CSMD1: variants seen among roughly 807,000 people sequenced by gnomAD.
CSMD1 encodes CUB and Sushi multiple domains 1.
A neutral mutation model predicts 417.5 loss-of-function variants in CSMD1; 213 were observed. That is an observed-to-expected ratio of 0.51 (90% CI 0.46 to 0.57). The LOEUF is 0.57. CSMD1 is among the 20% of genes least tolerant of loss of function. The pLI is 0.00. For synonymous variants in CSMD1, 2,862 were observed against 1,736.8 expected (o/e 1.65, Z -16.11); for missense variants, 6,923 against 4,529.7 (o/e 1.53, Z -15.17).
At chr8:3,019,125 C>T (rs970463917) in intron 51 of CSMD1, among the ~76,000 whole-genome samples, 5 of 152,144 alleles carry the variant, frequency 3.3e-5, no homozygotes, top group Non-Finnish European at 7.3e-5. Context: ...GCCATGTTGG[C>T]CAGACTGATC....
At chr8:3,313,345 G>C (rs183522982) in intron 23 of CSMD1, among the ~76,000 whole-genome samples, 1 of 152,014 alleles carries the variant, frequency 6.6e-6, no homozygotes, top group Non-Finnish European at 1.5e-5. Flanking sequence ...ATACAGAAAG[G>C]GAGAAAATTT....
At chr8:3,080,671 TC>T (rs1814023968) in intron 49 of CSMD1, among the ~76,000 whole-genome samples, 1 of 152,094 alleles carries the variant, frequency 6.6e-6, no homozygotes, top group Admixed American at 6.6e-5. Context: ...GCCTCCCAAA[TC>T]CCCTTCAAGA....
intron 65 of CSMD1, among the ~76,000 whole-genome samples, chr8:2,952,674 A>T (rs1399183681): frequency 1.4e-5 from 2 of 145,758 alleles, no homozygotes; most frequent in Non-Finnish European, 3.0e-5. Context: ...AATAGCCTTT[A>T]AAGTACATAA....
chr8:4,036,043 C>A (rs907369698), intron 3 of CSMD1, among the ~76,000 whole-genome samples: 1 of 152,080 alleles, frequency 6.6e-6, no homozygotes. Flanking sequence ...CATATACTGA[C>A]CATTATGTTA....
chr8:3,654,904 C>T (rs1798028086), intron 7 of CSMD1, among the ~76,000 whole-genome samples: 2 of 152,198 alleles, frequency 1.3e-5, no homozygotes, highest in Non-Finnish European at 2.9e-5. Flanking sequence ...AGCTGGGCTC[C>T]ACACAGTTGA....
At chr8:3,704,532 A>G (rs1801057143) in intron 7 of CSMD1, among the ~76,000 whole-genome samples, 2 of 152,224 alleles carry the variant, frequency 1.3e-5, no homozygotes, top group South Asian at 2.1e-4. Context: ...TCAAACAGCT[A>G]GAGAGATAAG....
At chr8:3,667,912 T>C (rs1043220301) in intron 7 of CSMD1, among the ~76,000 whole-genome samples, 13 of 152,252 alleles carry the variant, frequency 8.5e-5, no homozygotes, top group Admixed American at 5.9e-4. Flanking sequence ...ACTCTGTATG[T>C]TGCGGAGACA....
At chr8:3,779,900 T>C (rs1192977245) in intron 5 of CSMD1, among the ~76,000 whole-genome samples, 2 of 152,232 alleles carry the variant, frequency 1.3e-5, no homozygotes, top group African/African-American at 2.4e-5. Context: ...TTTTCTCTCA[T>C]GGCCTGTCTC....
chr8:3,402,552 G>A (rs1481865120), intron 15 of CSMD1, among the ~76,000 whole-genome samples: 2 of 152,072 alleles, frequency 1.3e-5, no homozygotes, highest in Non-Finnish European at 2.9e-5. Flanking sequence ...CATGTGCCTG[G>A]CATCCAGAAA....
chr8:3,657,603 C>A (rs1359769499), intron 7 of CSMD1, among the ~76,000 whole-genome samples: 1 of 152,200 alleles, frequency 6.6e-6, no homozygotes, highest in East Asian at 1.9e-4. Flanking sequence ...GAACAAAAAA[C>A]CAAACACTGC....
intron 3 of CSMD1, among the ~76,000 whole-genome samples, chr8:4,355,331 ACACACACG>A (rs1242851963): frequency 1.3e-5 from 2 of 151,632 alleles, no homozygotes; most frequent in Non-Finnish European, 2.9e-5. Flanking sequence ...ACACGCACAC[ACACACACG>A]TATATATGAT....
intron 10 of CSMD1, among the ~76,000 whole-genome samples, chr8:3,514,712 AACC>A (rs1197183738): frequency 6.6e-6 from 1 of 152,146 alleles, no homozygotes. Flanking sequence ...TTTGAAGCTG[AACC>A]ATGATATTAA....
chr8:4,966,787 G>C (rs555800164), intron 1 of CSMD1, among the ~76,000 whole-genome samples: 4 of 152,058 alleles, frequency 2.6e-5, no homozygotes, highest in Admixed American at 6.6e-5. Context: ...AGATATACTC[G>C]AACTGTAAAA....
At chr8:3,317,185 A>C (rs894333) in intron 23 of CSMD1, among the ~76,000 whole-genome samples, 3 of 152,064 alleles carry the variant, frequency 2.0e-5, no homozygotes, top group Non-Finnish European at 2.9e-5. Flanking sequence ...AATGATTCTG[A>C]TCTTCTCATA....
At chr8:4,025,925 G>A (rs911088019) in intron 4 of CSMD1, among the ~76,000 whole-genome samples, 1 of 151,496 alleles carries the variant, frequency 6.6e-6, no homozygotes, top group Admixed American at 6.6e-5. Flanking sequence ...GGAAAATATT[G>A]CTAGTTTGAA....
chr8:3,582,085 G>T (rs1046607277), intron 9 of CSMD1, among the ~76,000 whole-genome samples: 1 of 152,228 alleles, frequency 6.6e-6, no homozygotes, highest in East Asian at 1.9e-4. Context: ...GTGAGCCACC[G>T]CGCTGGCCAA....
intron 42 of CSMD1, among the ~76,000 whole-genome samples, chr8:3,111,981 T>C (rs1816547613): frequency 6.6e-6 from 1 of 151,936 alleles, no homozygotes; most frequent in Non-Finnish European, 1.5e-5. Context: ...GGCAAACTTG[T>C]CTCTTCCTTT....
intron 3 of CSMD1, among the ~76,000 whole-genome samples, chr8:4,143,791 C>G (rs1212016891): frequency 1.3e-5 from 2 of 151,200 alleles, no homozygotes; most frequent in South Asian, 2.1e-4. Flanking sequence ...GGAGGGGGCC[C>G]AAGCAAGCTG....
intron 2 of CSMD1, among the ~76,000 whole-genome samples, chr8:4,628,485 G>A (rs1802266088): frequency 6.8e-6 from 1 of 146,862 alleles, no homozygotes; most frequent in African/African-American, 2.5e-5. Context: ...TATACACACA[G>A]TATCAGTATA....
Sources: allele counts gnomAD v4.1 joint callset (sites outside exome capture counted in the v4.1 genomes callset), GRCh38; gene constraint gnomAD v4.1.1; transcripts MANE v1.5; gene names NCBI Gene and HGNC (gene_info 2026-07-23, HGNC 2026-07-21).